The following GPR143 variants were observed in gnomAD, a reference collection of about 807,000 sequenced individuals.
GPR143 encodes the protein G-protein coupled receptor 143.
A neutral mutation model predicts 27.6 loss-of-function variants in GPR143; 8 were observed. The ratio of observed to expected loss-of-function variants is 0.29; its 90% CI spans 0.17 to 0.52. The LOEUF (loss-of-function observed/expected upper bound fraction) is 0.52. Among genes scored for constraint, GPR143 ranks in the 20% least tolerant of loss-of-function variants. The pLI, the probability that GPR143 is intolerant of heterozygous loss-of-function variation, is 0.96. For synonymous variants in GPR143, 156 were observed against 153.2 expected (o/e 1.02, Z -0.13); for missense variants, 303 against 343.1 (o/e 0.88, Z 0.92).
At chrX:9,766,903 TCACACACACACACACACACACACA>T (rs58553907), upstream of GPR143, among the ~76,000 whole-genome samples, 203 of 86,914 alleles carry the variant, frequency 2.3e-3, no homozygotes, top group Non-Finnish European at 3.5e-3. Flanking sequence ...TCTCTCTCTC[TCACACACACACACACACACACACA>T]CACACACACA....
chrX:9,727,070 GCCAAAAACAGC>G (rs1050468378), intron 8 of GPR143, among the ~76,000 whole-genome samples: 1 of 113,012 alleles, frequency 8.8e-6, no homozygotes, highest in Non-Finnish European at 1.9e-5. Context: ...CCACCTTCAA[GCCAAAAACAGC>G]CTGAAGTCTG....
intron 3 of GPR143, among the ~76,000 whole-genome samples, chrX:9,756,954 C>T (rs756974588): frequency 8.9e-6 from 1 of 112,652 alleles, no homozygotes; most frequent in South Asian, 3.6e-4. Context: ...CAGCATTATT[C>T]CTAGTAGCCA....
intron 6 of GPR143, among the ~76,000 whole-genome samples, chrX:9,742,646 C>A (rs1452086923): frequency 8.9e-6 from 1 of 112,093 alleles, no homozygotes; most frequent in Admixed American, 9.5e-5. Flanking sequence ...GGTCTGTTTT[C>A]AAAGTATCCA....
At chrX:9,725,984 A>C in intron 8 of GPR143, 144 bp from the exon 9 acceptor site, 21 of 845,886 alleles carry the variant, frequency 2.5e-5, no homozygotes, top group African/African-American at 2.0e-4. Flanking sequence ...CATCTGCAAA[A>C]AAAAAAAAAA....
chrX:9,729,145 C>A (rs2083342704), intron 8 of GPR143, among the ~76,000 whole-genome samples: 1 of 111,093 alleles, frequency 9.0e-6, no homozygotes. Flanking sequence ...TTTTCTGGAG[C>A]CCAGACACCA....
At chrX:9,746,751 C>T (rs2083430139) in intron 4 of GPR143, among the ~76,000 whole-genome samples, 1 of 109,739 alleles carries the variant, frequency 9.1e-6, no homozygotes, top group Non-Finnish European at 1.9e-5. Flanking sequence ...TGCTGGAGGG[C>T]CTCACAAACA....
At position 9,725,480 on chromosome X, in the gene GPR143, C is replaced by T. The variant is rs759520024; in HGVS notation, c.*266G>A. ...GACCTTACACTTACTTTACAGCCAGCCTCAGAAAACTTCCTAGTGGCAACT... is the reference window on the plus strand; with the variant it reads ...GACCTTACACTTACTTTACAGCCAGTCTCAGAAAACTTCCTAGTGGCAACT... On this transcript the variant is annotated 3_prime_UTR_variant, in exon 9 of 9. Transcript: ENST00000467482. The T allele has an allele frequency of 4.9e-4, 164 of 331,899 alleles. No individual in the cohort carries two copies. Among genetic ancestry groups the T allele is most frequent in the Admixed American group, 1.9e-3 (37 of 19,076 alleles). The allele number at this position is 331,899 out of a possible 1,213,427, so 27.4% of individuals were successfully genotyped here.
chrX:9,732,078 G>A (rs937820750), intron 8 of GPR143, among the ~76,000 whole-genome samples: 1 of 112,011 alleles, frequency 8.9e-6, no homozygotes, highest in Non-Finnish European at 1.9e-5. Context: ...GAGAAATAGA[G>A]AATTTGTGGC....
At chrX:9,765,449 G>A (rs2083526228) in intron 1 of GPR143, 119 bp downstream of exon 1, 2 of 737,351 alleles carry the variant, frequency 2.7e-6, no homozygotes, top group Non-Finnish European at 3.5e-6. Context: ...CACGGAACAG[G>A]TCCAAATCCA....
At chrX:9,737,692 C>T (rs935990095) in intron 8 of GPR143, among the ~76,000 whole-genome samples, 1 of 111,524 alleles carries the variant, frequency 9.0e-6, no homozygotes, top group Admixed American at 9.5e-5. Context: ...CTTTATGGTA[C>T]GTTAATTATA....
chrX:9,776,054 A>C (rs2083569941), intron 1 of GPR143, among the ~76,000 whole-genome samples: 1 of 112,146 alleles, frequency 8.9e-6, no homozygotes, highest in African/African-American at 3.2e-5. Context: ...CAGGCACTCA[A>C]GTAGCCTTGG....
At chrX:9,750,799 G>A (rs2083448122) in intron 3 of GPR143, among the ~76,000 whole-genome samples, 1 of 112,436 alleles carries the variant, frequency 8.9e-6, no homozygotes, top group Admixed American at 9.4e-5. Context: ...CTGACCTCAA[G>A]TCATCCACCT....
chrX:9,739,245 GAC>G (rs760730108), intron 8 of GPR143, among the ~76,000 whole-genome samples: 3 of 112,253 alleles, frequency 2.7e-5, no homozygotes, highest in South Asian at 3.7e-4. Context: ...ATTATTCTGA[GAC>G]ACTGGTTGTG....
At chrX:9,739,451 C>T (rs946950817) in intron 8 of GPR143, 34 bp downstream of exon 8, 8 of 1,053,255 alleles carry the variant, frequency 7.6e-6, no homozygotes, top group African/African-American at 7.4e-5. Flanking sequence ...CCTGGGACCC[C>T]GAAGTCTACC....
rs756686806 is a variant in GPR143, at chrX:9,739,721, T to TG, written c.886-3dup. The TG allele has an allele frequency of 4.5e-6, 5 of 1,108,861 alleles. No homozygotes were observed. Among genetic ancestry groups the TG allele is most frequent in the Non-Finnish European group, 6.1e-6 (5 of 817,812 alleles). 91.4% of individuals were successfully genotyped at this position (1,108,861 alleles called of 1,213,427 possible). A position where few individuals can be genotyped will look rare whatever the true frequency, so the allele number is the denominator to read the frequency against. On this transcript the variant is annotated splice_polypyrimidine_tract_variant and splice_region_variant and intron_variant, in intron 7 of 8. Transcript: ENST00000467482. Reference sequence around the variant, plus strand: ...TCCCTGGGCTGGATTCAGGATTCCCTGGAGAGAGGACAGAAAGACACATGG... The same window carrying TG: ...TCCCTGGGCTGGATTCAGGATTCCCTGGGAGAGAGGACAGAAAGACACATGG...
chrX:9,746,899 G>A (rs1467595023), intron 4 of GPR143, among the ~76,000 whole-genome samples: 7 of 107,685 alleles, frequency 6.5e-5, no homozygotes, highest in African/African-American at 2.4e-4. Context: ...GGTGGAAAAG[G>A]GGCTAACCAA....
At chrX:9,748,704 G>A (rs1367462769) in intron 3 of GPR143, 38 bp from the exon 4 acceptor site, 4 of 959,408 alleles carry the variant, frequency 4.2e-6, no homozygotes, top group Non-Finnish European at 4.5e-6. Context: ...AGCTCAGTGG[G>A]GCACAGAGGC....
rs140183585 is a variant in GPR143 at position 9,755,720 on chromosome X, G to A, written c.455+3612C>T. ...GGAAGTCACACGATAGGATAGTGAC[G>A]CAGGAAAATCAAAGGAACCTGGGTC... On this transcript the variant is annotated intron_variant, in intron 3 of 8. Transcript: ENST00000467482. Among the ~76,000 whole-genome samples the A allele has an allele frequency of 8.6e-3, 963 of 111,655 alleles. 10 individuals are homozygous for A. Among genetic ancestry groups the A allele is most frequent in the African/African-American group, 0.029 (896 of 30,782 alleles).
At position 9,729,059 on chromosome X, in the gene GPR143, G is replaced by A. The variant is rs955626549; in HGVS notation, c.1121-3219C>T. Among the ~76,000 whole-genome samples the A allele has an allele frequency of 8.5e-4, 95 of 111,112 alleles. 2 individuals are homozygous for A. In the Admixed American group the frequency reaches 8.9e-3, roughly 10 times the overall value. On this transcript the variant is annotated intron_variant, in intron 8 of 8. Transcript: ENST00000467482. Reference sequence around the variant, plus strand: ...GATGGATCTGGCCGTAGATCGCCCAGCCAGATCCTGAGGAGAGTCTGGGTA... The same window carrying A: ...GATGGATCTGGCCGTAGATCGCCCAACCAGATCCTGAGGAGAGTCTGGGTA...
Sources: allele counts gnomAD v4.1 joint callset (sites outside exome capture counted in the v4.1 genomes callset), GRCh38; gene constraint gnomAD v4.1.1; transcripts MANE v1.5; gene names NCBI Gene and HGNC (gene_info 2026-07-23, HGNC 2026-07-21).